The following LAMA2 variants were observed in gnomAD, a reference collection of about 807,000 sequenced individuals.
LAMA2 encodes laminin subunit alpha 2, also known as laminin subunit alpha-2.
In LAMA2, 269 loss-of-function variants were observed where a neutral mutation model predicts 364.8. The ratio of observed to expected loss-of-function variants is 0.74; its 90% CI spans 0.67 to 0.82. The LOEUF (loss-of-function observed/expected upper bound fraction) is 0.82, where lower values mean the gene tolerates loss of function less well. LAMA2 is among the 40% of genes least tolerant of loss of function. The pLI, the probability that LAMA2 is intolerant of heterozygous loss-of-function variation, is 0.00. For missense variants in LAMA2, 3,807 were observed against 3,873.2 expected (o/e 0.98, Z 0.45); for synonymous variants, 1,379 against 1,370.6 (o/e 1.01, Z -0.14).
chr6:128,918,052 G>C (rs1012451033), intron 1 of LAMA2, among the ~76,000 whole-genome samples: 1 of 151,706 alleles, frequency 6.6e-6, no homozygotes, highest in Admixed American at 6.6e-5. Context: ...AATATTTCTT[G>C]TTTCTTCTAT....
intron 1 of LAMA2, among the ~76,000 whole-genome samples, chr6:128,899,030 C>T (rs183790493): frequency 1.2e-4 from 19 of 152,312 alleles, no homozygotes; most frequent in Admixed American, 9.8e-4. Flanking sequence ...AGGCACTCAT[C>T]TCCCTGTTGT....
chr6:129,011,648 A>G (rs1429993486), intron 1 of LAMA2, among the ~76,000 whole-genome samples: 2 of 152,214 alleles, frequency 1.3e-5, no homozygotes, highest in Non-Finnish European at 2.9e-5. Flanking sequence ...CAAAGAAATG[A>G]ACTTTCCAGA....
intron 3 of LAMA2, among the ~76,000 whole-genome samples, chr6:129,096,437 C>T (rs1775192944): frequency 6.6e-6 from 1 of 152,132 alleles, no homozygotes; most frequent in African/African-American, 2.4e-5. Context: ...TTAATATGTT[C>T]ACATAATTCC....
chr6:129,252,017 A>G (rs575510191), intron 13 of LAMA2, 67 bp from the exon 14 acceptor site: 1 of 964,886 alleles, frequency 1.0e-6, no homozygotes. Flanking sequence ...AAATATAGAT[A>G]TGTTTGACAC....
intron 1 of LAMA2, among the ~76,000 whole-genome samples, chr6:129,036,877 T>C (rs182541489): frequency 3.9e-5 from 6 of 152,326 alleles, no homozygotes; most frequent in African/African-American, 1.4e-4. Flanking sequence ...ATGGTTCAAA[T>C]TGGGCTGATT....
chr6:128,965,984 T>C (rs951736305), intron 1 of LAMA2, among the ~76,000 whole-genome samples: 1 of 149,378 alleles, frequency 6.7e-6, no homozygotes, highest in East Asian at 1.9e-4. Flanking sequence ...CAGAGGTTTT[T>C]TTTTTTTTTT....
chr6:129,448,613 A>T (rs1782511039), intron 45 of LAMA2, among the ~76,000 whole-genome samples: 2 of 152,200 alleles, frequency 1.3e-5, no homozygotes, highest in Non-Finnish European at 2.9e-5. Context: ...TGAGTGGCTG[A>T]TACTCCTTTA....
chr6:129,417,653 G>A lies in LAMA2; in HGVS notation c.5866-10099G>A, dbSNP rs558820740. Among the ~76,000 whole-genome samples the A allele has an allele frequency of 3.9e-5, 6 of 152,050 alleles. No individual in the cohort carries two copies. In the South Asian group the frequency reaches 8.3e-4, roughly 21 times the overall value. On this transcript the variant is annotated intron_variant, in intron 40 of 64. Coordinates refer to ENST00000421865, the MANE Select transcript of LAMA2 (RefSeq NM_000426.4). Reference sequence around the variant, plus strand: ...CCACCACCAACCTGCCATCCACGGCGCCCACTGGCACCCAGGCTGTTCATG... The same window carrying A: ...CCACCACCAACCTGCCATCCACGGCACCCACTGGCACCCAGGCTGTTCATG...
At chr6:129,347,152 G>A (rs576963086) in intron 30 of LAMA2, among the ~76,000 whole-genome samples, 2 of 152,268 alleles carry the variant, frequency 1.3e-5, no homozygotes, top group East Asian at 1.9e-4. Context: ...GGATAATCCA[G>A]TGGTGTTATT....
At chr6:129,158,474 A>G in intron 8 of LAMA2, 1 of 1,614,060 alleles carries the variant, frequency 6.2e-7, no homozygotes. Context: ...ACCCACTACC[A>G]GAACTTTGTG....
chr6:129,278,803 G>T (rs1196144136), intron 17 of LAMA2, among the ~76,000 whole-genome samples: 1 of 152,110 alleles, frequency 6.6e-6, no homozygotes, highest in Non-Finnish European at 1.5e-5. Context: ...CCACTGAGTT[G>T]AAATGTTTAA....
intron 1 of LAMA2, among the ~76,000 whole-genome samples, chr6:128,981,930 C>T (rs1022174805): frequency 1.3e-5 from 2 of 152,170 alleles, no homozygotes; most frequent in African/African-American, 4.8e-5. Context: ...CTAGTTCCTA[C>T]TCAGTTAGGC....
At chr6:129,130,561 G>A (rs914208013) in intron 4 of LAMA2, among the ~76,000 whole-genome samples, 9 of 152,202 alleles carry the variant, frequency 5.9e-5, no homozygotes, top group African/African-American at 2.2e-4. Context: ...ATAGTGGTGA[G>A]ACATGGAAGA....
chr6:129,165,736 T>C (rs1562291542), intron 9 of LAMA2, 61 bp downstream of exon 9: 4 of 969,554 alleles, frequency 4.1e-6, no homozygotes, highest in Non-Finnish European at 6.6e-6. Flanking sequence ...CCAAATATGA[T>C]TATTTTCAGA....
chr6:129,360,173 C>T (rs2114607653), intron 32 of LAMA2, among the ~76,000 whole-genome samples: 1 of 152,148 alleles, frequency 6.6e-6, no homozygotes, highest in African/African-American at 2.4e-5. Flanking sequence ...CTTTGAGGTC[C>T]TGATTGTAAG....
intron 20 of LAMA2, among the ~76,000 whole-genome samples, chr6:129,293,463 C>A (rs1789862287): frequency 6.6e-6 from 1 of 152,202 alleles, no homozygotes; most frequent in Non-Finnish European, 1.5e-5. Flanking sequence ...CAAGAAAACT[C>A]AGCCCATTTA....
intron 1 of LAMA2, among the ~76,000 whole-genome samples, chr6:128,937,531 C>T (rs567942605): frequency 1.3e-5 from 2 of 151,928 alleles, no homozygotes; most frequent in African/African-American, 4.8e-5. Context: ...CAGTCTTGGT[C>T]GATTCTATGT....
chr6:129,211,931 C>T (rs1583262067), intron 12 of LAMA2, among the ~76,000 whole-genome samples: 2 of 152,122 alleles, frequency 1.3e-5, no homozygotes, highest in South Asian at 4.1e-4. Flanking sequence ...CTTAATAATT[C>T]TTTGTTGAGT....
chr6:129,119,590 C>G (rs1023292179), intron 4 of LAMA2, among the ~76,000 whole-genome samples: 1 of 151,992 alleles, frequency 6.6e-6, no homozygotes, highest in African/African-American at 2.4e-5. Context: ...ATCTGTCGCC[C>G]AGGCTGGACT....
Sources: gnomAD v4.1 joint callset for allele counts (sites outside exome capture counted in the v4.1 genomes callset) on GRCh38, gnomAD v4.1.1 for gene constraint, MANE v1.5 for transcripts, NCBI Gene and HGNC (gene_info 2026-07-23, HGNC 2026-07-21) for gene names.